Variants in CDH10 observed in about 807,000 individuals in gnomAD.
The protein encoded by CDH10 is cadherin 10.
CDH10 carries 30 observed loss-of-function variants against 73.1 expected under a neutral mutation model. The observed-to-expected ratio is 0.41, with a 90% confidence interval of 0.31 to 0.56. The LOEUF (loss-of-function observed/expected upper bound fraction) is 0.56. Among genes scored for constraint, CDH10 ranks in the 20% least tolerant of loss-of-function variants. The pLI is 0.27. For missense variants in CDH10, 815 were observed against 973.7 expected (o/e 0.84, Z 2.17); for synonymous variants, 345 against 348.2 (o/e 0.99, Z 0.10).
intron 2 of CDH10, among the ~76,000 whole-genome samples, chr5:24,540,308 A>G: frequency 6.6e-6 from 1 of 152,002 alleles, no homozygotes; most frequent in East Asian, 1.9e-4. Context: ...GGAATGAAGA[A>G]GGATCTAAGG....
In CDH10 at chr5:24,569,464, C is replaced by T. The variant is rs965193398; in HGVS notation, c.231+23796G>A. Among the ~76,000 whole-genome samples, 58 of 142,728 alleles carry T rather than the reference C, an allele frequency of 4.1e-4. 1 individual carries two copies. The highest frequency in any genetic ancestry group is 8.1e-4 in the Non-Finnish European group (52 of 63,982). The allele number at this position is 142,728 out of a possible 152,430, so 93.6% of individuals were successfully genotyped here. ...ATATTGATTTAATAAACTTGATTTA[C>T]AATGCCTTTTTCTACATATGCTAAA... On this transcript the variant is annotated intron_variant, in intron 2 of 11. Coordinates refer to ENST00000264463, the MANE Select transcript of CDH10 (RefSeq NM_006727.5).
intron 2 of CDH10, among the ~76,000 whole-genome samples, chr5:24,588,912 A>G (rs1746108632): frequency 6.6e-6 from 1 of 152,208 alleles, no homozygotes; most frequent in Non-Finnish European, 1.5e-5. Context: ...TGATTCGTAC[A>G]GCAAAAACCC....
At chr5:24,591,445 T>C (rs527483349) in intron 2 of CDH10, among the ~76,000 whole-genome samples, 1 of 151,998 alleles carries the variant, frequency 6.6e-6, no homozygotes, top group African/African-American at 2.4e-5. Context: ...AACACATTCA[T>C]AAATTCCTTA....
intron 1 of CDH10, among the ~76,000 whole-genome samples, chr5:24,636,415 T>G (rs1244567038): frequency 6.6e-6 from 1 of 152,002 alleles, no homozygotes; most frequent in Non-Finnish European, 1.5e-5. Context: ...GCTTCTAGAA[T>G]GTAGGCTTAT....
chr5:24,512,293 CG>C (rs1247752683), intron 5 of CDH10, among the ~76,000 whole-genome samples: 2 of 151,930 alleles, frequency 1.3e-5, no homozygotes, highest in Non-Finnish European at 2.9e-5. Flanking sequence ...ACGCAAGCCA[CG>C]CACCAACCAA....
At chr5:24,505,596 T>G (rs1319730226) in intron 7 of CDH10, among the ~76,000 whole-genome samples, 2 of 152,236 alleles carry the variant, frequency 1.3e-5, no homozygotes, top group Non-Finnish European at 2.9e-5. Flanking sequence ...TTATTGGAAG[T>G]TCTGCTGAAG....
At chr5:24,552,622 G>T (rs1428117580) in intron 2 of CDH10, among the ~76,000 whole-genome samples, 1 of 151,910 alleles carries the variant, frequency 6.6e-6, no homozygotes, top group Non-Finnish European at 1.5e-5. Flanking sequence ...GGCAATAATA[G>T]GTTGACTCTA....
intron 8 of CDH10, among the ~76,000 whole-genome samples, chr5:24,504,486 A>T: frequency 8.6e-6 from 1 of 116,294 alleles, no homozygotes; most frequent in African/African-American, 3.0e-5. Flanking sequence ...ATTTATATTA[A>T]ATGCTTTTCT....
chr5:24,495,571 A>G (rs1260438239), intron 9 of CDH10, among the ~76,000 whole-genome samples: 3 of 151,998 alleles, frequency 2.0e-5, no homozygotes, highest in Admixed American at 6.6e-5. Flanking sequence ...CCTTTTGGCC[A>G]GGCGCCGTGG....
chr5:24,555,307 C>T (rs966849322), intron 2 of CDH10, among the ~76,000 whole-genome samples: 3 of 152,038 alleles, frequency 2.0e-5, no homozygotes, highest in Admixed American at 1.3e-4. Flanking sequence ...TCTTTCCTTA[C>T]AAGCCTGACC....
chr5:24,596,995 A>G (rs540575927), intron 1 of CDH10, among the ~76,000 whole-genome samples: 1 of 152,042 alleles, frequency 6.6e-6, no homozygotes, highest in South Asian at 2.1e-4. Context: ...TTATTAAACT[A>G]CCTCTCTGAC....
At chr5:24,547,013 G>A (rs1177700046) in intron 2 of CDH10, among the ~76,000 whole-genome samples, 1 of 152,132 alleles carries the variant, frequency 6.6e-6, no homozygotes, top group Non-Finnish European at 1.5e-5. Flanking sequence ...TCTGCACAAA[G>A]AAAATTTTAG....
chr5:24,582,750 C>A (rs1161516727), intron 2 of CDH10, among the ~76,000 whole-genome samples: 1 of 152,256 alleles, frequency 6.6e-6, no homozygotes, highest in South Asian at 2.1e-4. Flanking sequence ...ACGCAAAATG[C>A]TTCAAACACA....
intron 2 of CDH10, among the ~76,000 whole-genome samples, chr5:24,546,937 T>C (rs1052426154): frequency 9.9e-5 from 15 of 151,914 alleles, no homozygotes; most frequent in Admixed American, 2.6e-4. Flanking sequence ...TTAAATGAAG[T>C]GAAAGAGAGC....
At chr5:24,572,070 G>GCAAA (rs111525727) in intron 2 of CDH10, among the ~76,000 whole-genome samples, 6,496 of 152,022 alleles carry the variant, frequency 0.043, 351 homozygotes, top group African/African-American at 0.12. Context: ...CAGGAAACAA[G>GCAAA]CAAACAAACA....
At chr5:24,519,944 G>GC (rs1401466090) in intron 5 of CDH10, among the ~76,000 whole-genome samples, 3 of 152,098 alleles carry the variant, frequency 2.0e-5, no homozygotes, top group African/African-American at 4.8e-5. Context: ...AAGTCTTGGT[G>GC]CCCCCCAGCT....
chr5:24,633,802 C>T (rs1747780811), intron 1 of CDH10, among the ~76,000 whole-genome samples: 1 of 151,724 alleles, frequency 6.6e-6, no homozygotes, highest in African/African-American at 2.4e-5. Flanking sequence ...CATCTTATAA[C>T]CCTTAATGTA....
At chr5:24,592,711 T>G (rs1746241188) in intron 2 of CDH10, among the ~76,000 whole-genome samples, 1 of 151,848 alleles carries the variant, frequency 6.6e-6, no homozygotes, top group South Asian at 2.1e-4. Context: ...TATTCGTTTT[T>G]CTTTATACAA....
At chr5:24,554,751 T>C (rs1037407829) in intron 2 of CDH10, among the ~76,000 whole-genome samples, 1 of 152,128 alleles carries the variant, frequency 6.6e-6, no homozygotes, top group Non-Finnish European at 1.5e-5. Flanking sequence ...CTTATCCTTG[T>C]GGTTTTAAAA....
Sources: allele counts gnomAD v4.1 joint callset (sites outside exome capture counted in the v4.1 genomes callset), GRCh38; gene constraint gnomAD v4.1.1; transcripts MANE v1.5; gene names NCBI Gene and HGNC (gene_info 2026-07-23, HGNC 2026-07-21).